EIF3L: variants seen among roughly 807,000 people sequenced by gnomAD.
The protein encoded by EIF3L is eIEF associated protein HSPC021.
In EIF3L, 32 loss-of-function variants were observed where a neutral mutation model predicts 74.6. The ratio of observed to expected loss-of-function variants is 0.43; its 90% CI spans 0.32 to 0.58. The LOEUF is 0.58. EIF3L is among the 20% of genes least tolerant of loss of function. The pLI is 0.06. For missense variants in EIF3L, 474 were observed against 707.8 expected (o/e 0.67, Z 3.75); for synonymous variants, 256 against 254.4 (o/e 1.01, Z -0.06).
At chr22:37,888,122 C>A in intron 12 of EIF3L, 1 of 313,974 alleles carries the variant, frequency 3.2e-6, no homozygotes, top group Non-Finnish European at 5.8e-6. Flanking sequence ...CTCATTCTTC[C>A]CCTAACTGAA....
intron 5 of EIF3L, among the ~76,000 whole-genome samples, chr22:37,862,365 CTG>C (rs1208104386): frequency 1.3e-5 from 2 of 152,182 alleles, no homozygotes; most frequent in South Asian, 2.1e-4. Context: ...GCCACCTTCT[CTG>C]TGGAGGGTCA....
chr22:37,866,743 G>A (rs972372879), intron 7 of EIF3L, among the ~76,000 whole-genome samples: 1 of 152,072 alleles, frequency 6.6e-6, no homozygotes, highest in Non-Finnish European at 1.5e-5. Context: ...CTGAGATTGC[G>A]CCACTGCACT....
intron 4 of EIF3L, 68 bp downstream of exon 4, chr22:37,855,712 C>A: frequency 7.4e-7 from 1 of 1,354,240 alleles, no homozygotes; most frequent in Non-Finnish European, 1.0e-6. Context: ...AGACAGGAAG[C>A]TCAAGAGGGT....
rs1167243519 is a variant in EIF3L, at chr22:37,851,334, A to C, written c.137A>C (p.Gln46Pro). 1 of 1,614,090 alleles carries C rather than the reference A, an allele frequency of 6.2e-7. No homozygotes were observed. ...YERQYEQQTY[Q>P]VIPEVIKNFI... The stretch of plus-strand genomic sequence containing the variant: ...CGTCAGTATGAACAGCAAACCTATC[A>C]GGTGATCCCTGAGGTGATCAAAAAC... The change falls in exon 3 of 13, where the codon CAG becomes CCG. Residue 46 changes from glutamine (Q) to proline (P), a missense_variant. Transcript: ENST00000652021.
chr22:37,873,959 A>G (rs1161270884), intron 8 of EIF3L, among the ~76,000 whole-genome samples: 1 of 152,216 alleles, frequency 6.6e-6, no homozygotes, highest in East Asian at 1.9e-4. Flanking sequence ...TTAAGTTGAC[A>G]GTAATTTTAC....
intron 11 of EIF3L, chr22:37,883,219 C>G (rs150155838): frequency 6.6e-6 from 1 of 151,272 alleles, no homozygotes; most frequent in Non-Finnish European, 1.5e-5. Flanking sequence ...TTGCTTGAAC[C>G]CGGGAGGTGG....
chr22:37,863,314 T>C lies in EIF3L; in HGVS notation c.548T>C (p.Leu183Pro). 6.2e-7 allele frequency: 1 copy of C among 1,614,060 alleles called. No individual in the cohort carries two copies. The highest frequency in any genetic ancestry group is 8.5e-7 in the Non-Finnish European group (1 of 1,179,972). The change falls in exon 7 of 13, where the codon CTC (leucine) becomes CCC (proline). Residue 183 changes from leucine (L) to proline (P), a missense_variant. This residue lies in a region of EIF3L where 141 missense variants were observed against 197.7 expected (regional missense o/e 0.71). Transcript: ENST00000652021. ...PAPLELPNQW[L>P]WDIIDEFIYQ... ...CCCCTTGAACTACCCAACCAGTGGC[T>C]CTGGGATATTATCGATGAGTTCATC...
At position 37,889,014 on chromosome 22, in the gene EIF3L, T is replaced by C. The variant is rs568040621; in HGVS notation, c.*550T>C. On this transcript the variant is annotated 3_prime_UTR_variant, in exon 13 of 13. Transcript: ENST00000652021. ...TTGGCCTCCCAAAATGTGCTAGGATTACAGGCATGAGCCACCACGCCCCGC... is the reference window on the plus strand; with the variant it reads ...TTGGCCTCCCAAAATGTGCTAGGATCACAGGCATGAGCCACCACGCCCCGC... 2.0e-5 allele frequency: 3 copies of C among 152,834 alleles called. No homozygotes were observed. Among genetic ancestry groups the C allele is most frequent in the Non-Finnish European group, 4.4e-5 (3 of 68,580 alleles). The allele number at this position is 152,834 out of a possible 1,614,324, so 9.5% of individuals were successfully genotyped here. A position where few individuals can be genotyped will look rare whatever the true frequency, so the allele number is the denominator to read the frequency against.
Position 37,888,575 on chromosome 22 carries a change from CAAGTT to C in EIF3L, c.*115_*119del. On this transcript the variant is annotated 3_prime_UTR_variant, in exon 13 of 13. Transcript: ENST00000652021. ...GCCATCAGCCTGTCAACTCAGTTAA[CAAGTT>C]AAGGACCGAAGTGTTTCAAGTGGAT... The C allele has an allele frequency of 4.4e-6, 5 of 1,142,366 alleles. No homozygotes were observed. The highest frequency in any genetic ancestry group is 2.4e-5 in the East Asian group (1 of 42,352). The allele number at this position is 1,142,366 out of a possible 1,614,324, so 70.8% of individuals were successfully genotyped here.
rs145217987 is a variant in EIF3L at position 37,877,668 on chromosome 22, C to A, written c.1078-6C>A. On this transcript the variant is annotated splice_region_variant and splice_polypyrimidine_tract_variant and intron_variant, in intron 10 of 12. Transcript: ENST00000652021. ...GACCCAGTACCACTCTCCACCCCAT[C>A]CCCAGATTAACAAGCAGAATGAGCA... 2.0e-4 allele frequency: 324 copies of A among 1,586,992 alleles called. No homozygotes were observed. The African/African-American group carries it at 4.0e-3, about 19-fold the overall frequency.
intron 7 of EIF3L, among the ~76,000 whole-genome samples, chr22:37,864,674 G>A (rs187702476): frequency 2.5e-3 from 382 of 152,090 alleles, no homozygotes; most frequent in Admixed American, 4.3e-3. Flanking sequence ...CAGTAGCTGG[G>A]ATTACAGGTG....
intron 8 of EIF3L, among the ~76,000 whole-genome samples, chr22:37,872,957 T>C (rs1926552424): frequency 2.0e-5 from 3 of 152,182 alleles, no homozygotes. Flanking sequence ...ACTTCATTTT[T>C]GTGAAAATGT....
At chr22:37,886,671 A>T in intron 11 of EIF3L, 94 bp from the exon 12 acceptor site, 1 of 1,015,956 alleles carries the variant, frequency 9.8e-7, no homozygotes, top group Non-Finnish European at 1.5e-6. Flanking sequence ...AACACTCACC[A>T]TCATTATCAC....
Position 37,877,659 on chromosome 22 carries a change from C to A in EIF3L, c.1078-15C>A. On this transcript the variant is annotated splice_polypyrimidine_tract_variant and intron_variant, in intron 10 of 12. Coordinates refer to ENST00000652021, the MANE Select transcript of EIF3L (RefSeq NM_016091.4). The stretch of plus-strand genomic sequence containing the variant: ...GTCTCATTTGACCCAGTACCACTCT[C>A]CACCCCATCCCCAGATTAACAAGCA... The A allele has an allele frequency of 1.3e-6, 2 of 1,581,014 alleles. No individual in the cohort carries two copies. The highest frequency in any genetic ancestry group is 1.2e-5 in the South Asian group (1 of 84,380).
At chr22:37,859,380 T>C (rs1436315649) in intron 5 of EIF3L, among the ~76,000 whole-genome samples, 2 of 129,772 alleles carry the variant, frequency 1.5e-5, no homozygotes, top group Non-Finnish European at 3.2e-5. Flanking sequence ...GTTTCTTTTT[T>C]TTTTTTTTTT....
At chr22:37,870,441 G>A in intron 8 of EIF3L, 94 bp downstream of exon 8, 1 of 1,263,616 alleles carries the variant, frequency 7.9e-7, no homozygotes, top group Non-Finnish European at 1.1e-6. Flanking sequence ...GAGCAGATGA[G>A]TCACCATGTC....
At chr22:37,855,495 T>C in intron 3 of EIF3L, 70 bp from the exon 4 acceptor site, 1 of 1,413,966 alleles carries the variant, frequency 7.1e-7, no homozygotes, top group South Asian at 1.2e-5. Context: ...TGGGTCCTCA[T>C]CTGTAAAATG....
chr22:37,850,797 T>C (rs1326896464), intron 2 of EIF3L, among the ~76,000 whole-genome samples: 1 of 152,242 alleles, frequency 6.6e-6, no homozygotes, highest in Non-Finnish European at 1.5e-5. Context: ...AAATATTTTG[T>C]TTAATCCTTA....
intron 8 of EIF3L, among the ~76,000 whole-genome samples, chr22:37,872,133 T>C (rs1173801982): frequency 6.6e-6 from 1 of 152,230 alleles, no homozygotes; most frequent in East Asian, 1.9e-4. Context: ...TTTTTTTTTT[T>C]TCCTGAGACA....
Sources: allele counts gnomAD v4.1 joint callset (sites outside exome capture counted in the v4.1 genomes callset), GRCh38; gene constraint gnomAD v4.1.1; regional missense constraint gnomAD v4.1.1; transcripts MANE v1.5; gene names NCBI Gene and HGNC (gene_info 2026-07-23, HGNC 2026-07-21).